Variants in HEXB observed in about 807,000 individuals in gnomAD.
HEXB encodes beta-hexosaminidase subunit beta.
Under a neutral mutation model 71.2 loss-of-function variants are expected in HEXB, and 51 were observed. That is an observed-to-expected ratio of 0.72 (90% CI 0.57 to 0.90). HEXB has a LOEUF of 0.90. HEXB is among the 40% of genes least tolerant of loss of function. The probability of loss-of-function intolerance (pLI) is 0.00; values close to 1 mark genes in which losing one functional copy is unlikely to be tolerated. For synonymous variants in HEXB, 266 were observed against 249.3 expected, an observed-to-expected ratio of 1.07 and a Z score of -0.63; for missense variants, 617 against 677.0, an observed-to-expected ratio of 0.91 and a Z score of 0.98.
At chr5:74,716,872 T>C (rs1188428385) in intron 9 of HEXB, 199 bp downstream of exon 9, 2 of 457,086 alleles carry the variant, frequency 4.4e-6, no homozygotes, top group Admixed American at 3.5e-5. Flanking sequence ...TGTTGAAATA[T>C]AGGAAGGCAG....
rs1748400408 is a variant in HEXB, at chr5:74,664,554, A to T, written c.-377+23996A>T. Among the ~76,000 whole-genome samples the T allele has an allele frequency of 2.0e-5, 3 of 152,068 alleles. No individual in the cohort carries two copies. In the South Asian group the frequency reaches 6.2e-4, roughly 32 times the overall value. On this transcript the variant is annotated intron_variant, in intron 1 of 13. Transcript: ENST00000511181. Reference sequence around the variant, plus strand: ...TGTAGTATGCCAAAATCAGTTCTGGATAGATTTATGTTAAATATAAAAATG... The same window carrying T: ...TGTAGTATGCCAAAATCAGTTCTGGTTAGATTTATGTTAAATATAAAAATG...
chr5:74,690,604 A>G (rs1332737388), intron 2 of HEXB, among the ~76,000 whole-genome samples: 1 of 133,948 alleles, frequency 7.5e-6, no homozygotes, highest in South Asian at 2.5e-4. Context: ...GTGAGCTGCA[A>G]TCATGCCGCT....
intron 1 of HEXB, among the ~76,000 whole-genome samples, chr5:74,665,824 A>G (rs894687257): frequency 6.6e-6 from 1 of 152,122 alleles, no homozygotes; most frequent in African/African-American, 2.4e-5. Context: ...TATATCTGCA[A>G]TTTTCTGAGT....
chr5:74,678,109 C>T (rs1748669285), intron 1 of HEXB, among the ~76,000 whole-genome samples: 1 of 151,970 alleles, frequency 6.6e-6, no homozygotes, highest in African/African-American at 2.4e-5. Flanking sequence ...CCAGCCTGGC[C>T]AACATGGTGA....
chr5:74,671,662 C>G (rs1280348792), intron 1 of HEXB, among the ~76,000 whole-genome samples: 1 of 152,134 alleles, frequency 6.6e-6, no homozygotes, highest in African/African-American at 2.4e-5. Flanking sequence ...AAATTGTATA[C>G]TTTAAATATA....
Position 74,693,626 on chromosome 5 carries a change from A to G in HEXB, c.446-13A>G, listed in dbSNP as rs886038305. The G allele has an allele frequency of 8.2e-6, 13 of 1,591,578 alleles. No homozygotes were observed. Among genetic ancestry groups the G allele is most frequent in the Non-Finnish European group, 1.1e-5 (13 of 1,159,372 alleles). ...AACAAAAGTGTGTGTGTGATTTTAA[A>G]TCCTCAATACAGATACTTTACTTGT... On this transcript the variant is annotated splice_polypyrimidine_tract_variant and intron_variant, in intron 2 of 13. Coordinates refer to ENST00000261416, the MANE Select transcript of HEXB (RefSeq NM_000521.4).
intron 1 of HEXB, among the ~76,000 whole-genome samples, chr5:74,687,145 T>C (rs765557875): frequency 4.6e-5 from 7 of 152,200 alleles, no homozygotes; most frequent in Non-Finnish European, 8.8e-5. Flanking sequence ...CCTGGTATTA[T>C]TAGGAAGCAG....
intron 9 of HEXB, among the ~76,000 whole-genome samples, chr5:74,717,968 G>GT (rs1749717540): frequency 1.3e-5 from 2 of 152,178 alleles, no homozygotes; most frequent in Non-Finnish European, 2.9e-5. Context: ...CCATAAAATT[G>GT]TAAGAGATTG....
At chr5:74,676,287 T>C (rs528207809) in intron 1 of HEXB, among the ~76,000 whole-genome samples, 4 of 152,346 alleles carry the variant, frequency 2.6e-5, no homozygotes, top group East Asian at 1.9e-4. Context: ...ATATACACTC[T>C]GATTACGAAC....
chr5:74,671,252 T>C (rs1748533258), intron 1 of HEXB, among the ~76,000 whole-genome samples: 1 of 152,164 alleles, frequency 6.6e-6, no homozygotes, highest in South Asian at 2.1e-4. Flanking sequence ...TTACGTCCAC[T>C]GAACCCTTGA....
chr5:74,650,495 T>C (rs953113709), intron 1 of HEXB, among the ~76,000 whole-genome samples: 1 of 152,212 alleles, frequency 6.6e-6, no homozygotes, highest in African/African-American at 2.4e-5. Context: ...AACTGTTTCA[T>C]GGCCCCCTCC....
upstream of HEXB, chr5:74,685,134 G>GT (rs1748825198): frequency 4.0e-6 from 4 of 990,652 alleles, no homozygotes; most frequent in South Asian, 1.9e-5. Context: ...GGAGTCGGGG[G>GT]CGGGCGCGCG....
intron 2 of HEXB, among the ~76,000 whole-genome samples, chr5:74,692,651 A>G (rs1381718425): frequency 6.6e-6 from 1 of 152,248 alleles, no homozygotes; most frequent in East Asian, 1.9e-4. Flanking sequence ...TGCTCACACT[A>G]CTGATAGAGC....
upstream of HEXB, chr5:74,685,220 G>A: frequency 6.8e-7 from 1 of 1,471,776 alleles, no homozygotes; most frequent in East Asian, 2.8e-5. Context: ...GGGTCCCGAG[G>A]CTCCGGCTCG....
intron 1 of HEXB, among the ~76,000 whole-genome samples, chr5:74,668,314 GT>G (rs1189145370): frequency 1.3e-5 from 2 of 151,214 alleles, no homozygotes; most frequent in African/African-American, 4.9e-5. Flanking sequence ...TTTCAGTTCT[GT>G]TTTTTTATAA....
At chr5:74,713,312 T>C (rs1749593952) in intron 6 of HEXB, among the ~76,000 whole-genome samples, 194 bp from the exon 7 acceptor site, 1 of 152,216 alleles carries the variant, frequency 6.6e-6, no homozygotes, top group Non-Finnish European at 1.5e-5. Flanking sequence ...GAAATTTTCT[T>C]TCTGAAATTT....
chr5:74,697,727 C>CAAAA (rs34363294), intron 5 of HEXB, among the ~76,000 whole-genome samples: 6 of 110,394 alleles, frequency 5.4e-5, no homozygotes, highest in Admixed American at 2.1e-4. Context: ...GACTCTGTCT[C>CAAAA]AAAAAAAAAA....
At chr5:74,651,838 C>G (rs1748116724) in intron 1 of HEXB, among the ~76,000 whole-genome samples, 1 of 152,190 alleles carries the variant, frequency 6.6e-6, no homozygotes, top group Non-Finnish European at 1.5e-5. Context: ...ATTAATTGGT[C>G]TGTATGCCTT....
chr5:74,669,623 G>A lies in HEXB; in HGVS notation c.-376-19705G>A, dbSNP rs141437895. Among the ~76,000 whole-genome samples, 571 of 152,010 alleles carry A rather than the reference G, an allele frequency of 3.8e-3. 6 individuals carry two copies. The highest frequency in any genetic ancestry group is 0.013 in the African/African-American group (549 of 41,444). The stretch of plus-strand genomic sequence containing the variant: ...ATCAGGATATCAATCCTACATCATC[G>A]ATCTGTTTGCCTCTTCTTAAACCAG... On this transcript the variant is annotated intron_variant, in intron 1 of 13. Coordinates refer to the HEXB transcript ENST00000511181.
Sources: gnomAD v4.1 joint callset for allele counts (sites outside exome capture counted in the v4.1 genomes callset) on GRCh38, gnomAD v4.1.1 for gene constraint, MANE v1.5 for transcripts, NCBI Gene and HGNC (gene_info 2026-07-23, HGNC 2026-07-21) for gene names.